DHODH: variants seen among roughly 807,000 people sequenced by gnomAD.
DHODH encodes dihydroorotate dehydrogenase (quinone), mitochondrial.
Under a neutral mutation model 39.7 loss-of-function variants are expected in DHODH, and 30 were observed. That is an observed-to-expected ratio of 0.76 (90% CI 0.57 to 1.02). DHODH has a LOEUF of 1.02. Among genes scored for constraint, DHODH ranks in the 50% least tolerant of loss-of-function variants. The pLI is 0.00. For synonymous variants in DHODH, 222 were observed against 213.8 expected, an observed-to-expected ratio of 1.04 and a Z score of -0.34; for missense variants, 531 against 520.8, an observed-to-expected ratio of 1.02 and a Z score of -0.19.
chr16:72,024,211 G>C lies in DHODH; in HGVS notation c.*12G>C. 6.2e-7 allele frequency: 1 copy of C among 1,614,110 alleles called. No homozygotes were observed. Among genetic ancestry groups the C allele is most frequent in the Non-Finnish European group, 8.5e-7 (1 of 1,179,984 alleles). Reference sequence around the variant, plus strand: ...ATCATCGGAGGTGAGGACAGCGTCTGACGGGAAGCCTGATCTGGAACCTTC... The same window carrying C: ...ATCATCGGAGGTGAGGACAGCGTCTCACGGGAAGCCTGATCTGGAACCTTC... On this transcript the variant is annotated 3_prime_UTR_variant, in exon 9 of 9. Transcript: ENST00000219240.
chr16:72,023,470 G>T lies in DHODH; in HGVS notation c.974-4G>T, dbSNP rs185105233. ...TTATGGTGTCGCCATGTGCTTCTCTGTAGGCCGAGTTCCCATAATTGGGGT... is the reference window on the plus strand; with the variant it reads ...TTATGGTGTCGCCATGTGCTTCTCTTTAGGCCGAGTTCCCATAATTGGGGT... On this transcript the variant is annotated splice_polypyrimidine_tract_variant and splice_region_variant and intron_variant, in intron 7 of 8. Coordinates refer to ENST00000219240, the MANE Select transcript of DHODH (RefSeq NM_001361.5). 1 of 1,614,182 alleles carries T rather than the reference G, an allele frequency of 6.2e-7. No homozygotes were observed. Among genetic ancestry groups the T allele is most frequent in the East Asian group, 2.2e-5 (1 of 44,878 alleles).
Position 72,014,561 on chromosome 16 carries a change from A to G in DHODH, c.323A>G (p.Tyr108Cys). The change falls in exon 3 of 9, where the codon TAT becomes TGT. Residue 108 changes from tyrosine (Y) to cysteine (C), a missense_variant. Coordinates refer to ENST00000219240, the MANE Select transcript of DHODH (RefSeq NM_001361.5). ...DKHGEAVDGL[Y>C]KMGFGFVEIG... is the part of the protein sequence containing the mutation. The stretch of plus-strand genomic sequence containing the variant: ...CATGGGGAAGCCGTGGACGGACTTT[A>G]TAAGATGGGCTTTGGTTTTGTTGAG... 1 of 1,614,186 alleles carries G rather than the reference A, an allele frequency of 6.2e-7. No individual in the cohort carries two copies. Among genetic ancestry groups the G allele is most frequent in the Non-Finnish European group, 8.5e-7 (1 of 1,180,038 alleles).
chr16:72,016,464 A>G, intron 3 of DHODH: 1 of 175,126 alleles, frequency 5.7e-6, no homozygotes, highest in Non-Finnish European at 1.3e-5. Flanking sequence ...CTCACCCTCA[A>G]GAAGATTGTA....
chr16:72,010,190 A>G (rs2041067781), intron 1 of DHODH, among the ~76,000 whole-genome samples: 1 of 152,196 alleles, frequency 6.6e-6, no homozygotes, highest in Non-Finnish European at 1.5e-5. Flanking sequence ...GCCTCGTCTT[A>G]AGCCTTACTT....
rs1332101652 is a variant in DHODH, at chr16:72,008,830, G to C, written c.21+45G>C. 4 of 1,552,210 alleles carry C rather than the reference G, an allele frequency of 2.6e-6. No homozygotes were observed. The African/African-American group carries it at 4.1e-5, about 16-fold the overall frequency. On this transcript the variant is annotated intron_variant, in intron 1 of 8. Transcript: ENST00000219240. Reference sequence around the variant, plus strand: ...AGTGTGGATGGGGGACCAGGGACCGGGGAGGGCGAGAACGGAGAGTCAGGC... The same window carrying C: ...AGTGTGGATGGGGGACCAGGGACCGCGGAGGGCGAGAACGGAGAGTCAGGC...
chr16:72,023,417 G>A, intron 7 of DHODH, 57 bp from the exon 8 acceptor site: 1 of 1,613,956 alleles, frequency 6.2e-7, no homozygotes, highest in Admixed American at 1.7e-5. Context: ...GATTGTGGGG[G>A]ACTCTGGGGC....
At chr16:72,023,057 G>A (rs1402029928) in intron 6 of DHODH, 108 bp from the exon 7 acceptor site, 13 of 1,053,722 alleles carry the variant, frequency 1.2e-5, no homozygotes, top group Admixed American at 7.6e-5. Flanking sequence ...TGCTTTGGGG[G>A]CTGTAGGTGT....
chr16:72,013,680 A>G (rs2041109444), intron 2 of DHODH: 1 of 152,216 alleles, frequency 6.6e-6, no homozygotes, highest in African/African-American at 2.4e-5. Flanking sequence ...CAGGACCTGA[A>G]AGCTGCCAGG....
intron 3 of DHODH, 155 bp from the exon 4 acceptor site, chr16:72,016,869 C>T: frequency 1.4e-6 from 1 of 709,588 alleles, no homozygotes; most frequent in Non-Finnish European, 2.5e-6. Flanking sequence ...GGTGTTCTGG[C>T]AAGTTCTCTA....
At chr16:72,022,512 A>G (rs1445046121) in intron 6 of DHODH, 37 bp downstream of exon 6, 2 of 1,511,650 alleles carry the variant, frequency 1.3e-6, no homozygotes, top group Non-Finnish European at 1.8e-6. Flanking sequence ...TGTGCCTCCC[A>G]TGGTCTGCAG....
At chr16:72,016,039 A>G (rs1343792006) in intron 3 of DHODH, 1 of 239,714 alleles carries the variant, frequency 4.2e-6, no homozygotes, top group East Asian at 1.8e-4. Flanking sequence ...TTGGTTGAGC[A>G]CCAGGGCAGT....
chr16:72,022,514 G>A, intron 6 of DHODH, 39 bp downstream of exon 6: 1 of 1,493,576 alleles, frequency 6.7e-7, no homozygotes, highest in Non-Finnish European at 9.1e-7. Context: ...TGCCTCCCAT[G>A]GTCTGCAGAG....
chr16:72,008,944 G>A lies in DHODH; in HGVS notation c.21+159G>A. ...TCCGGGGTCTCCTGCAAATGCTCGT[G>A]CGTGTGCATTTGCACGTGGACTCGG... On this transcript the variant is annotated intron_variant, in intron 1 of 8. Transcript: ENST00000219240. 4 of 1,517,240 alleles carry A rather than the reference G, an allele frequency of 2.6e-6. No homozygotes were observed. The South Asian group carries it at 5.0e-5, about 19-fold the overall frequency. 94.0% of individuals were successfully genotyped at this position (1,517,240 alleles called of 1,614,324 possible).
At chr16:72,017,128 G>T (rs751850625) in intron 4 of DHODH, 22 bp downstream of exon 4, 2 of 1,610,288 alleles carry the variant, frequency 1.2e-6, no homozygotes, top group East Asian at 2.2e-5. Flanking sequence ...TTGTGTCAGT[G>T]GGCCTTTCTT....
chr16:72,019,825 C>T (rs2041183228), intron 4 of DHODH, among the ~76,000 whole-genome samples: 1 of 152,172 alleles, frequency 6.6e-6, no homozygotes, highest in South Asian at 2.1e-4. Context: ...AACAATTACA[C>T]CTCTACATTT....
At chr16:72,021,054 C>A in intron 4 of DHODH, 70 bp from the exon 5 acceptor site, 2 of 1,490,132 alleles carry the variant, frequency 1.3e-6, no homozygotes, top group South Asian at 2.5e-5. Context: ...GTGGTTTGGT[C>A]AAGGGCAGCC....
At position 72,014,617 on chromosome 16, in the gene DHODH, G is replaced by A. The variant is rs767309772; in HGVS notation, c.379G>A (p.Gly127Arg). The change falls in exon 3 of 9, where the codon GGA (glycine) becomes AGA (arginine). Residue 127 changes from glycine (G) to arginine (R), a missense_variant. By Grantham distance (125) the Gly-to-Arg change is moderately radical. Coordinates refer to ENST00000219240, the MANE Select transcript of DHODH (RefSeq NM_001361.5). ...IGSVTPKPQEGNPRPRVFRLP... is the reference protein window; with the variant it reads ...IGSVTPKPQERNPRPRVFRLP... ...AAGTGTGACTCCAAAACCTCAGGAAGGAAACCCTAGACCCAGAGTCTTCCG... is the reference window on the plus strand; with the variant it reads ...AAGTGTGACTCCAAAACCTCAGGAAAGAAACCCTAGACCCAGAGTCTTCCG... 3 of 1,614,048 alleles carry A rather than the reference G, an allele frequency of 1.9e-6. No individual in the cohort carries two copies. Among genetic ancestry groups the A allele is most frequent in the Middle Eastern group, 1.6e-4 (1 of 6,084 alleles).
chr16:72,024,059 C>T (rs367669357), intron 8 of DHODH, 86 bp from the exon 9 acceptor site: 78 of 1,383,876 alleles, frequency 5.6e-5, no homozygotes, highest in Non-Finnish European at 7.3e-5. Flanking sequence ...CGGGATGATG[C>T]GTTTCTGGGT....
intron 5 of DHODH, 40 bp from the exon 6 acceptor site, chr16:72,022,322 G>A: frequency 1.4e-6 from 2 of 1,472,952 alleles, no homozygotes; most frequent in Non-Finnish European, 1.9e-6. Context: ...GCAGGGCTGT[G>A]GTCTGCGGGG....
Sources: gnomAD v4.1 joint callset for allele counts (sites outside exome capture counted in the v4.1 genomes callset) on GRCh38, gnomAD v4.1.1 for gene constraint, MANE v1.5 for transcripts, NCBI Gene and HGNC (gene_info 2026-07-23, HGNC 2026-07-21) for gene names.